The following RGPD4 variants were observed in gnomAD, a reference collection of about 807,000 sequenced individuals.
RGPD4 encodes the protein ranBP2-like and GRIP domain-containing protein 4.
A neutral mutation model predicts 141.1 loss-of-function variants in RGPD4; 84 were observed. The observed-to-expected ratio is 0.60, with a 90% CI of 0.50 to 0.71. The LOEUF is 0.71. RGPD4 is among the 30% of genes least tolerant of loss of function. The pLI is 0.00. For synonymous variants in RGPD4, 298 were observed against 566.8 expected, an observed-to-expected ratio of 0.53 and a Z score of 6.74; for missense variants, 918 against 1,622.4, an observed-to-expected ratio of 0.57 and a Z score of 7.46.
At chr2:107,874,736 C>A (rs1418151230) in intron 20 of RGPD4, among the ~76,000 whole-genome samples, 2 of 150,090 alleles carry the variant, frequency 1.3e-5, no homozygotes, top group Non-Finnish European at 3.0e-5. Flanking sequence ...GTCATTGTCC[C>A]AAGGGACCTT....
At chr2:107,879,907 T>C in intron 20 of RGPD4, 61 bp from the exon 21 acceptor site, 1 of 1,590,696 alleles carries the variant, frequency 6.3e-7, no homozygotes, top group Non-Finnish European at 8.6e-7. Context: ...TTTTTCTTAT[T>C]TAGAATCTTC....
intron 1 of RGPD4, among the ~76,000 whole-genome samples, chr2:107,829,575 C>G (rs575752935): frequency 1.3e-5 from 2 of 149,602 alleles, no homozygotes; most frequent in South Asian, 2.1e-4. Context: ...ATGGCTCAGG[C>G]GTCATGGCTC....
chr2:107,868,413 T>C (rs1477743162), intron 18 of RGPD4, among the ~76,000 whole-genome samples: 1 of 151,248 alleles, frequency 6.6e-6, no homozygotes, highest in Admixed American at 6.6e-5. Context: ...ACAAAAGTGA[T>C]ATCAATTTTT....
chr2:107,834,203 C>T (rs1286020081), intron 1 of RGPD4, among the ~76,000 whole-genome samples: 3 of 151,156 alleles, frequency 2.0e-5, no homozygotes, highest in Middle Eastern at 3.2e-3. Flanking sequence ...AGTCTCTCAC[C>T]TCCTTGTTTA....
chr2:107,886,613 A>G (rs1315220820), intron 22 of RGPD4, among the ~76,000 whole-genome samples: 1 of 151,864 alleles, frequency 6.6e-6, no homozygotes, highest in Non-Finnish European at 1.5e-5. Context: ...AGACATGCAA[A>G]GGAAACTTAC....
rs550950345 is a variant in RGPD4 at position 107,877,997 on chromosome 2, G to C, written c.4925-1971G>C. Among the ~76,000 whole-genome samples, 231 of 151,302 alleles carry C rather than the reference G, an allele frequency of 1.5e-3. 2 individuals are homozygous for C. Among genetic ancestry groups the C allele is most frequent in the Middle Eastern group, 0.014 (4 of 294 alleles). On this transcript the variant is annotated intron_variant, in intron 20 of 22. Coordinates refer to ENST00000408999, the MANE Select transcript of RGPD4 (RefSeq NM_182588.3). ...CTGGCTAATTTTTGCATTTTTAGTA[G>C]AGATAGGGTTTCACCATCTTGGCCA...
intron 6 of RGPD4, among the ~76,000 whole-genome samples, chr2:107,844,823 CTTTTTTGTTTTTT>C (rs1681860139): frequency 1.9e-5 from 1 of 53,856 alleles, no homozygotes; most frequent in Non-Finnish European, 4.1e-5. Context: ...TTCTTTCTTT[CTTTTTTGTTTTTT>C]TTTTTTTTTT....
intron 6 of RGPD4, among the ~76,000 whole-genome samples, chr2:107,847,783 C>A (rs1270550771): frequency 6.8e-4 from 61 of 89,792 alleles, no homozygotes; most frequent in South Asian, 1.9e-3. Flanking sequence ...TTAGATCGTG[C>A]CATTGCACTC....
At chr2:107,878,635 A>G (rs1683161880) in intron 20 of RGPD4, among the ~76,000 whole-genome samples, 1 of 132,064 alleles carries the variant, frequency 7.6e-6, no homozygotes, top group Non-Finnish European at 1.6e-5. Flanking sequence ...CTCTAGAGGG[A>G]CAGAGCTAAT....
intron 20 of RGPD4, among the ~76,000 whole-genome samples, chr2:107,879,291 T>G (rs1183516498): frequency 9.8e-6 from 1 of 102,302 alleles, no homozygotes; most frequent in East Asian, 2.1e-4. Flanking sequence ...TACCTGTAAT[T>G]AATATTACTG....
intron 22 of RGPD4, among the ~76,000 whole-genome samples, chr2:107,884,087 T>G (rs1203438991): frequency 6.6e-6 from 1 of 151,726 alleles, no homozygotes; most frequent in East Asian, 1.9e-4. Context: ...ATTTGGTTGA[T>G]GTTCCTTAAG....
chr2:107,827,066 C>T lies in RGPD4; in HGVS notation c.53C>T (p.Ser18Phe), dbSNP rs767496590. ...GERYVASVQG[S>F]APSPRKKSTR... ...CGGTACGTCGCCTCCGTGCAGGGCT[C>T]CGCCCCGTCGCCTCGAAAGGTGAGT... Residue 18 changes from serine (S) to phenylalanine (F), a missense_variant, in exon 1 of 23, where the codon TCC becomes TTC. Physicochemically the swap from Ser to Phe is radical, Grantham distance 155. Coordinates refer to ENST00000408999, the MANE Select transcript of RGPD4 (RefSeq NM_182588.3). 51 of 1,592,868 alleles carry T rather than the reference C, an allele frequency of 3.2e-5. No homozygotes were observed. The highest frequency in any genetic ancestry group is 7.0e-5 in the Admixed American group (4 of 57,502).
In RGPD4 at chr2:107,890,775, G is replaced by C. The variant is rs768695712; in HGVS notation, c.*44G>C. On this transcript the variant is annotated 3_prime_UTR_variant, in exon 23 of 23. Coordinates refer to ENST00000408999, the MANE Select transcript of RGPD4 (RefSeq NM_182588.3). ...GGATGGGCATCCTATCTTCGTAGTT[G>C]GTTTGGACTTCGATAGGTTGATGGA... The C allele has an allele frequency of 1.3e-6, 2 of 1,598,862 alleles. No individual in the cohort carries two copies. Among genetic ancestry groups the C allele is most frequent in the African/African-American group, 2.7e-5 (2 of 73,674 alleles).
intron 21 of RGPD4, among the ~76,000 whole-genome samples, chr2:107,880,673 C>A (rs1261122928): frequency 6.7e-6 from 1 of 149,390 alleles, no homozygotes; most frequent in Admixed American, 6.7e-5. Context: ...TCATTGTTCA[C>A]ATATGCTTAA....
At chr2:107,828,811 GC>G (rs1681346243) in intron 1 of RGPD4, among the ~76,000 whole-genome samples, 1 of 21,480 alleles carries the variant, frequency 4.7e-5, no homozygotes, top group East Asian at 5.2e-4. Flanking sequence ...CTCTGTTGAG[GC>G]GGCGGCCTCG....
At chr2:107,847,218 G>A (rs1354444590) in intron 6 of RGPD4, among the ~76,000 whole-genome samples, 2 of 146,782 alleles carry the variant, frequency 1.4e-5, no homozygotes, top group Non-Finnish European at 3.0e-5. Context: ...CTCCAGCCTT[G>A]TGACAGAGTG....
rs938227800 is a variant in RGPD4 at position 107,854,704 on chromosome 2, T to C, written c.1066+61T>C. 2.8e-5 allele frequency: 44 copies of C among 1,569,574 alleles called. No homozygotes were observed. In the African/African-American group the frequency reaches 5.7e-4, roughly 20 times the overall value. ...AAAAAGGAATTTCTGTTAAGGCATATCTTATGATAAAATCTCCATCTGTCC... is the reference window on the plus strand; with the variant it reads ...AAAAAGGAATTTCTGTTAAGGCATACCTTATGATAAAATCTCCATCTGTCC... On this transcript the variant is annotated intron_variant, in intron 8 of 22. Coordinates refer to ENST00000408999, the MANE Select transcript of RGPD4 (RefSeq NM_182588.3).
chr2:107,871,883 C>T lies in RGPD4; in HGVS notation c.3879C>T (p.Asn1293=), dbSNP rs1207728699. ...TTGGTGAGTCAACAACAGGATCTAA[C>T]TTCAGTTTTAAATCTGCTTTGAGTC... ...FHFGESTTGS[N]FSFKSALSPS... Residue 1293 remains asparagine, a synonymous_variant, in exon 20 of 23, where the codon AAC becomes AAT. Transcript: ENST00000408999. 6.2e-7 allele frequency: 1 copy of T among 1,611,488 alleles called. No homozygotes were observed. The highest frequency in any genetic ancestry group is 1.7e-5 in the Admixed American group (1 of 59,970).
chr2:107,832,134 AC>A (rs1343557364), intron 1 of RGPD4, among the ~76,000 whole-genome samples: 6 of 151,754 alleles, frequency 4.0e-5, no homozygotes, highest in Admixed American at 2.6e-4. Context: ...AGCAACTTAA[AC>A]CCTCAAATGT....
Sources: allele counts gnomAD v4.1 joint callset (sites outside exome capture counted in the v4.1 genomes callset), GRCh38; gene constraint gnomAD v4.1.1; transcripts MANE v1.5; gene names NCBI Gene and HGNC (gene_info 2026-07-23, HGNC 2026-07-21).